FBXL20: variants seen among roughly 807,000 people sequenced by gnomAD.
The protein encoded by FBXL20 is F-box and leucine rich repeat protein 20.
FBXL20 carries 11 observed loss-of-function variants against 64.0 expected under a neutral mutation model. The observed-to-expected ratio is 0.17, with a 90% CI of 0.11 to 0.28. The LOEUF is 0.28. Ranked by LOEUF, FBXL20 falls within the 10% of genes least tolerant of loss-of-function variation. The pLI is 1.00. For synonymous variants in FBXL20, 184 were observed against 189.0 expected (o/e 0.97, Z 0.22); for missense variants, 303 against 526.2 (o/e 0.58, Z 4.15).
At chr17:39,301,778 T>C (rs746328896) in intron 3 of FBXL20, among the ~76,000 whole-genome samples, 9 of 151,972 alleles carry the variant, frequency 5.9e-5, no homozygotes, top group Non-Finnish European at 1.3e-4. Flanking sequence ...ACAACTGTAG[T>C]CCCAGCTATT....
At chr17:39,283,947 T>A (rs1303652804) in intron 7 of FBXL20, among the ~76,000 whole-genome samples, 1 of 152,200 alleles carries the variant, frequency 6.6e-6, no homozygotes, top group Non-Finnish European at 1.5e-5. Context: ...ATATTAATAG[T>A]TTAACTTCAG....
At chr17:39,401,234 C>T in intron 1 of FBXL20, 127 bp downstream of exon 1, 1 of 1,554,906 alleles carries the variant, frequency 6.4e-7, no homozygotes, top group Non-Finnish European at 8.7e-7. Context: ...GGAGCGGAGT[C>T]TGGCAGCCCC....
At chr17:39,349,667 T>C (rs2047668438) in intron 1 of FBXL20, among the ~76,000 whole-genome samples, 1 of 152,132 alleles carries the variant, frequency 6.6e-6, no homozygotes, top group South Asian at 2.1e-4. Flanking sequence ...CCAGGCGTAG[T>C]GGCTCACGCC....
chr17:39,302,916 A>ATT (rs879816100), intron 3 of FBXL20, among the ~76,000 whole-genome samples: 3 of 141,576 alleles, frequency 2.1e-5, no homozygotes, highest in African/African-American at 2.6e-5. Flanking sequence ...CTCTGAAACT[A>ATT]TTTTTTTTTT....
rs541524196 is a variant in FBXL20, at chr17:39,377,506, G to GTT, written c.42+23853_42+23854dup. Among the ~76,000 whole-genome samples the GTT allele has an allele frequency of 9.2e-3, 1,324 of 144,414 alleles. 19 individuals carry two copies. The highest frequency in any genetic ancestry group is 0.031 in the African/African-American group (1,225 of 39,670). 94.7% of individuals were successfully genotyped at this position (144,414 alleles called of 152,430 possible). ...TGCAATTCCTGTCTTTTTTGTTGTT[G>GTT]TTTTTTTTTTTTGAGACGGAGTCTT... On this transcript the variant is annotated intron_variant, in intron 1 of 14. Transcript: ENST00000264658.
At chr17:39,279,241 G>A (rs965637193) in intron 9 of FBXL20, among the ~76,000 whole-genome samples, 3 of 152,182 alleles carry the variant, frequency 2.0e-5, no homozygotes, top group East Asian at 1.9e-4. Flanking sequence ...GCTCACGCCT[G>A]TAATCCCAGC....
Position 39,381,156 on chromosome 17 carries a change from G to A in FBXL20, c.42+20205C>T, listed in dbSNP as rs141215281. ...GCCTGGGCAGTAAGAGTGAAACTCC[G>A]TCTCAAAAAAAAAAAAAGTTGTTAA... is the stretch of plus-strand genomic sequence containing the variant. On this transcript the variant is annotated intron_variant, in intron 1 of 14. Coordinates refer to ENST00000264658, the MANE Select transcript of FBXL20 (RefSeq NM_032875.3). Among the ~76,000 whole-genome samples, 296 of 147,866 alleles carry A rather than the reference G, an allele frequency of 2.0e-3. 2 individuals are homozygous for A. The highest frequency in any genetic ancestry group is 7.0e-3 in the African/African-American group (277 of 39,832).
chr17:39,295,067 C>A (rs1467276129), intron 6 of FBXL20, among the ~76,000 whole-genome samples: 1 of 151,732 alleles, frequency 6.6e-6, no homozygotes, highest in Non-Finnish European at 1.5e-5. Context: ...GACTTTTTTT[C>A]AAAATAAGAT....
At position 39,261,565 on chromosome 17, in the gene FBXL20, G is replaced by C; in HGVS notation, c.1206C>G (p.Thr402=). The C allele has an allele frequency of 6.2e-7, 1 of 1,606,054 alleles. No homozygotes were observed. The highest frequency in any genetic ancestry group is 8.5e-7 in the Non-Finnish European group (1 of 1,173,834). ...CGTGGACTTTAATATTGGGTAAATG[G>C]GTCTGAAACAAGACAGAAACATTAA... The part of the protein sequence containing the change: ...ITRAGIKRLR[T]HLPNIKVHAY... Residue 402 remains threonine (T), a splice_region_variant and synonymous_variant, in exon 15 of 15, where the codon ACC becomes ACG. Coordinates refer to ENST00000264658, the MANE Select transcript of FBXL20 (RefSeq NM_032875.3).
chr17:39,266,529 T>C (rs979385732), intron 12 of FBXL20, among the ~76,000 whole-genome samples: 2 of 152,150 alleles, frequency 1.3e-5, no homozygotes, highest in African/African-American at 4.8e-5. Context: ...ATATTTTTAG[T>C]GGAGATGGGG....
chr17:39,392,067 G>T (rs1366191500), intron 1 of FBXL20, among the ~76,000 whole-genome samples: 1 of 152,126 alleles, frequency 6.6e-6, no homozygotes, highest in Non-Finnish European at 1.5e-5. Flanking sequence ...AACGCAGGAG[G>T]TGGAGGCTAC....
At chr17:39,381,255 T>C (rs981245064) in intron 1 of FBXL20, among the ~76,000 whole-genome samples, 2 of 151,686 alleles carry the variant, frequency 1.3e-5, no homozygotes, top group African/African-American at 4.8e-5. Context: ...GCAAGAAGAC[T>C]GCTTGAGCGT....
At chr17:39,382,713 C>T (rs888403848) in intron 1 of FBXL20, among the ~76,000 whole-genome samples, 5 of 151,780 alleles carry the variant, frequency 3.3e-5, no homozygotes, top group African/African-American at 1.2e-4. Context: ...TGGTGGCATG[C>T]ACCTGTAGCG....
chr17:39,348,013 T>C (rs943258795), intron 1 of FBXL20, among the ~76,000 whole-genome samples: 1 of 151,758 alleles, frequency 6.6e-6, no homozygotes, highest in South Asian at 2.1e-4. Flanking sequence ...AAAAAAAAAA[T>C]CCAATCCCTC....
intron 12 of FBXL20, among the ~76,000 whole-genome samples, chr17:39,268,055 C>T: frequency 6.6e-6 from 1 of 152,066 alleles, no homozygotes; most frequent in Non-Finnish European, 1.5e-5. Flanking sequence ...AATTAATAAT[C>T]TCAAAGTTCT....
chr17:39,318,181 T>G (rs1394543800), intron 2 of FBXL20, among the ~76,000 whole-genome samples: 1 of 152,196 alleles, frequency 6.6e-6, no homozygotes, highest in Non-Finnish European at 1.5e-5. Flanking sequence ...TATACCATGT[T>G]GTCTACTTTT....
chr17:39,313,037 GC>G (rs1484049427), intron 2 of FBXL20, among the ~76,000 whole-genome samples: 1 of 149,772 alleles, frequency 6.7e-6, no homozygotes, highest in African/African-American at 2.5e-5. Flanking sequence ...TCCTGCCTCA[GC>G]CTCCTGAGTA....
intron 10 of FBXL20, among the ~76,000 whole-genome samples, chr17:39,274,660 A>G (rs1012464775): frequency 6.6e-6 from 1 of 152,230 alleles, no homozygotes; most frequent in African/African-American, 2.4e-5. Context: ...TACTTTGAGA[A>G]AAGAATTATA....
chr17:39,331,435 A>G (rs1474708435), intron 2 of FBXL20, among the ~76,000 whole-genome samples: 1 of 151,528 alleles, frequency 6.6e-6, no homozygotes, highest in African/African-American at 2.4e-5. Context: ...ACAGGCTACT[A>G]CTCTTTAAGT....
Sources: gnomAD v4.1 joint callset for allele counts (sites outside exome capture counted in the v4.1 genomes callset) on GRCh38, gnomAD v4.1.1 for gene constraint, MANE v1.5 for transcripts, NCBI Gene and HGNC (gene_info 2026-07-23, HGNC 2026-07-21) for gene names.